TRAPPC9: variants seen among roughly 807,000 people sequenced by gnomAD.
TRAPPC9 encodes trafficking protein particle complex subunit 9.
A neutral mutation model predicts 124.0 loss-of-function variants in TRAPPC9; 83 were observed. The ratio of observed to expected loss-of-function variants is 0.67; its 90% CI spans 0.56 to 0.80. The LOEUF (loss-of-function observed/expected upper bound fraction) is 0.80. Ranked by LOEUF, TRAPPC9 falls within the 30% of genes least tolerant of loss-of-function variation. The probability of loss-of-function intolerance (pLI) is 0.00; values close to 1 mark genes in which losing one functional copy is unlikely to be tolerated. For missense variants in TRAPPC9, 1,302 were observed against 1,508.3 expected (o/e 0.86, Z 2.27); for synonymous variants, 638 against 617.5 (o/e 1.03, Z -0.49).
intron 17 of TRAPPC9, among the ~76,000 whole-genome samples, chr8:140,188,667 A>T (rs916016016): frequency 6.6e-6 from 1 of 152,086 alleles, no homozygotes; most frequent in Non-Finnish European, 1.5e-5. Flanking sequence ...TGGCACCCAG[A>T]CCTGAAATGT....
At chr8:139,819,869 C>T (rs1467765825) in intron 21 of TRAPPC9, among the ~76,000 whole-genome samples, 7 of 151,850 alleles carry the variant, frequency 4.6e-5, no homozygotes, top group South Asian at 2.1e-4. Context: ...AAAAATTAGC[C>T]GGGCATGGTG....
chr8:140,064,519 A>G (rs1380803337), intron 17 of TRAPPC9, among the ~76,000 whole-genome samples: 3 of 152,192 alleles, frequency 2.0e-5, no homozygotes, highest in Admixed American at 2.0e-4. Flanking sequence ...GGAAGGCAGG[A>G]AAGATATTAT....
At chr8:140,366,917 A>C (rs1372874627) in intron 8 of TRAPPC9, among the ~76,000 whole-genome samples, 1 of 152,208 alleles carries the variant, frequency 6.6e-6, no homozygotes. Context: ...GGGGCAAAAG[A>C]TCTGAACAGA....
intron 10 of TRAPPC9, among the ~76,000 whole-genome samples, 157 bp downstream of exon 10, chr8:140,311,091 C>T (rs2066283441): frequency 1.3e-5 from 2 of 152,196 alleles, no homozygotes; most frequent in South Asian, 4.1e-4. Flanking sequence ...ATACTTACTT[C>T]CATGTCATAG....
chr8:140,163,650 A>C (rs901894349), intron 17 of TRAPPC9, among the ~76,000 whole-genome samples: 3 of 152,232 alleles, frequency 2.0e-5, no homozygotes, highest in Admixed American at 1.3e-4. Flanking sequence ...GAGTCCAGAA[A>C]TCAGTTCAGC....
At chr8:139,816,850 C>T (rs1047097450) in intron 21 of TRAPPC9, among the ~76,000 whole-genome samples, 1 of 152,078 alleles carries the variant, frequency 6.6e-6, no homozygotes, top group African/African-American at 2.4e-5. Context: ...CTGCTTGGAA[C>T]CAAACTCACG....
intron 21 of TRAPPC9, among the ~76,000 whole-genome samples, chr8:139,769,441 G>C (rs1315104467): frequency 6.6e-6 from 1 of 152,230 alleles, no homozygotes; most frequent in Non-Finnish European, 1.5e-5. Context: ...GGGAGATGCA[G>C]GGCATGACGG....
At chr8:140,024,404 T>C (rs1303002513) in intron 17 of TRAPPC9, among the ~76,000 whole-genome samples, 1 of 149,074 alleles carries the variant, frequency 6.7e-6, no homozygotes, top group Non-Finnish European at 1.5e-5. Flanking sequence ...ATGGTTTCTT[T>C]TTTTTTTTTT....
intron 5 of TRAPPC9, among the ~76,000 whole-genome samples, chr8:140,413,508 T>A (rs1241427159): frequency 1.3e-5 from 2 of 150,370 alleles, no homozygotes; most frequent in Non-Finnish European, 3.0e-5. Context: ...AAGAACAAAG[T>A]CTTTTTTTTT....
intron 17 of TRAPPC9, among the ~76,000 whole-genome samples, chr8:140,186,086 AAAGAT>A (rs1274330325): frequency 1.3e-5 from 2 of 152,256 alleles, no homozygotes; most frequent in Non-Finnish European, 2.9e-5. Flanking sequence ...AAATAATGCA[AAAGAT>A]AATAAAGCCC....
chr8:140,437,904 T>A (rs1296051438), intron 3 of TRAPPC9, among the ~76,000 whole-genome samples: 1 of 152,102 alleles, frequency 6.6e-6, no homozygotes, highest in Non-Finnish European at 1.5e-5. Context: ...GTCAGCAACA[T>A]CTCAGGCAGG....
At chr8:140,448,914 T>A (rs747658782) in intron 2 of TRAPPC9, among the ~76,000 whole-genome samples, 3 of 152,178 alleles carry the variant, frequency 2.0e-5, no homozygotes, top group Non-Finnish European at 4.4e-5. Flanking sequence ...CAGCCCCACA[T>A]CAGCCAGCAC....
At chr8:140,425,571 CTAT>C (rs1564015821) in intron 5 of TRAPPC9, among the ~76,000 whole-genome samples, 6 of 152,314 alleles carry the variant, frequency 3.9e-5, no homozygotes, top group African/African-American at 1.4e-4. Flanking sequence ...TAAGCTACTT[CTAT>C]ATGGTGTACA....
chr8:140,336,134 A>G (rs551246847), intron 9 of TRAPPC9, among the ~76,000 whole-genome samples: 1 of 152,206 alleles, frequency 6.6e-6, no homozygotes, highest in East Asian at 1.9e-4. Context: ...TTTTGAAACC[A>G]AAATTTCTTT....
intron 15 of TRAPPC9, among the ~76,000 whole-genome samples, chr8:140,261,342 C>T (rs915811961): frequency 3.3e-5 from 5 of 152,184 alleles, no homozygotes; most frequent in African/African-American, 1.2e-4. Context: ...GATGTAGCCC[C>T]TGCCCTCTGG....
intron 9 of TRAPPC9, among the ~76,000 whole-genome samples, chr8:140,334,412 G>A (rs2066980137): frequency 6.6e-6 from 1 of 152,156 alleles, no homozygotes; most frequent in African/African-American, 2.4e-5. Context: ...CACTTTGGGA[G>A]GCCAAGGCAG....
chr8:139,732,320 C>T (rs925338437), intron 21 of TRAPPC9, 118 bp from the exon 22 acceptor site: 6 of 942,122 alleles, frequency 6.4e-6, no homozygotes, highest in Non-Finnish European at 9.4e-6. Flanking sequence ...GGCTGCCACC[C>T]ACTCCCTGCC....
chr8:140,220,953 T>C (rs957981713), intron 17 of TRAPPC9, among the ~76,000 whole-genome samples: 14 of 152,156 alleles, frequency 9.2e-5, no homozygotes, highest in Admixed American at 5.9e-4. Context: ...AGCACTTGTG[T>C]AGGCCTCTCC....
chr8:139,899,376 A>C (rs1830877185), intron 20 of TRAPPC9, among the ~76,000 whole-genome samples: 1 of 152,202 alleles, frequency 6.6e-6, no homozygotes, highest in African/African-American at 2.4e-5. Flanking sequence ...ATTACAATAA[A>C]GTAAGCTAGA....
Sources: gnomAD v4.1 joint callset for allele counts (sites outside exome capture counted in the v4.1 genomes callset) on GRCh38, gnomAD v4.1.1 for gene constraint, MANE v1.5 for transcripts, NCBI Gene and HGNC (gene_info 2026-07-23, HGNC 2026-07-21) for gene names.